NCOR2: variants seen among roughly 807,000 people sequenced by gnomAD.
NCOR2 encodes nuclear receptor corepressor 2, also known as CTG repeat protein 26.
A neutral mutation model predicts 262.9 loss-of-function variants in NCOR2; 81 were observed. That is an observed-to-expected ratio of 0.31 (90% CI 0.26 to 0.37). NCOR2 has a LOEUF of 0.37. Among genes scored for constraint, NCOR2 ranks in the 10% least tolerant of loss-of-function variants. The pLI is 1.00. For missense variants in NCOR2, 3,385 were observed against 3,621.4 expected, an observed-to-expected ratio of 0.93 and a Z score of 1.68; for synonymous variants, 1,659 against 1,559.3, an observed-to-expected ratio of 1.06 and a Z score of -1.51.
rs368744305 is a variant in NCOR2 at position 124,346,007 on chromosome 12, G to T, written c.4359+557C>A. On this transcript the variant is annotated intron_variant, in intron 31 of 46. Coordinates refer to ENST00000405201, the Ensembl canonical transcript of NCOR2. The stretch of plus-strand genomic sequence containing the variant: ...AGCTGGGGCCGCCTGGGGGGACTGG[G>T]GCCTCTTGTGGTGCAACCTGCTGGT... Among the ~76,000 whole-genome samples the T allele has an allele frequency of 2.4e-4, 37 of 151,562 alleles. 1 individual carries two copies. In the South Asian group the frequency reaches 4.8e-3, roughly 20 times the overall value.
At chr12:124,364,943 T>C (rs1364449394) in intron 20 of NCOR2, among the ~76,000 whole-genome samples, 3 of 145,790 alleles carry the variant, frequency 2.1e-5, no homozygotes, top group Admixed American at 2.0e-4. Flanking sequence ...GGAGGCAGCC[T>C]GGACCGTGTT....
chr12:124,345,016 C>T, intron 31 of NCOR2, 65 bp from the exon 34 acceptor site: 1 of 1,366,766 alleles, frequency 7.3e-7, no homozygotes, highest in South Asian at 1.5e-5. Context: ...GCTGCATCCC[C>T]CTTCTGAGCC....
At chr12:124,429,694 C>T (rs778718102) in exon 10 of NCOR2, 81 of 1,603,874 alleles carry the variant, frequency 5.1e-5, no homozygotes, top group Non-Finnish European at 6.8e-6. Context: ...CACTGCCCCG[C>T]TGGCCCACCC....
At chr12:124,557,989 G>A (rs1027063443) in intron 1 of NCOR2, among the ~76,000 whole-genome samples, 1 of 152,098 alleles carries the variant, frequency 6.6e-6, no homozygotes, top group Admixed American at 6.5e-5. Flanking sequence ...GCCAGGGCCT[G>A]GAGCTGCATC....
intron 1 of NCOR2, among the ~76,000 whole-genome samples, chr12:124,528,897 C>T (rs1348636227): frequency 1.3e-5 from 2 of 152,164 alleles, no homozygotes; most frequent in African/African-American, 4.8e-5. Flanking sequence ...AAGAACAACA[C>T]CTCTGGGCGC....
chr12:124,463,208 C>T (rs531474965), intron 5 of NCOR2, among the ~76,000 whole-genome samples: 30 of 152,372 alleles, frequency 2.0e-4, no homozygotes, highest in Admixed American at 3.9e-4. Context: ...TGCCTTGTCC[C>T]GGAACCAACA....
intron 13 of NCOR2, among the ~76,000 whole-genome samples, chr12:124,403,384 C>G (rs2042087733): frequency 6.6e-6 from 1 of 152,152 alleles, no homozygotes; most frequent in Admixed American, 6.5e-5. Context: ...ATCTGCCTCC[C>G]CGACCTGTCC....
intron 5 of NCOR2, among the ~76,000 whole-genome samples, chr12:124,459,963 C>A (rs1468888622): frequency 1.3e-5 from 2 of 152,182 alleles, no homozygotes; most frequent in African/African-American, 4.8e-5. Flanking sequence ...AATGCTGTTC[C>A]CCACATCTTC....
chr12:124,441,320 C>G (rs1467800481), intron 7 of NCOR2, among the ~76,000 whole-genome samples: 1 of 152,166 alleles, frequency 6.6e-6, no homozygotes, highest in Non-Finnish European at 1.5e-5. Context: ...TTCCGGCTGC[C>G]AGAGCTGGAA....
chr12:124,487,410 A>T (rs1465391812), intron 1 of NCOR2, among the ~76,000 whole-genome samples: 2 of 152,222 alleles, frequency 1.3e-5, no homozygotes, highest in Non-Finnish European at 2.9e-5. Flanking sequence ...CTCCTTTAAT[A>T]ACACACCGTC....
upstream of NCOR2, among the ~76,000 whole-genome samples, chr12:124,537,150 C>T (rs2051138584): frequency 6.6e-6 from 1 of 152,224 alleles, no homozygotes; most frequent in Non-Finnish European, 1.5e-5. Context: ...ATGTGATTCC[C>T]ACAAATGTTA....
rs552425396 is a variant in NCOR2 at position 124,520,533 on chromosome 12, GT to G, written c.-118+15031del. On this transcript the variant is annotated intron_variant, in intron 1 of 46. Coordinates refer to the NCOR2 transcript ENST00000404621. ...CAGAGCGACTGTGTGCTATGGGCAG[GT>G]TTGACACTGGGCATGTCTCTTCACG... is the stretch of plus-strand genomic sequence containing the variant. 4.0e-4 allele frequency among the ~76,000 whole-genome samples: 61 copies of G among 152,298 alleles called. 1 individual carries two copies. The highest frequency in any genetic ancestry group is 1.5e-3 in the African/African-American group (61 of 41,562).
intron 1 of NCOR2, among the ~76,000 whole-genome samples, chr12:124,509,245 G>GGGGGGGGGC: frequency 4.8e-5 from 7 of 144,566 alleles, no homozygotes; most frequent in African/African-American, 2.0e-4. Context: ...TGGGGGGGGG[G>GGGGGGGGGC]GGGGCTTAAC....
rs1317621290 is a variant in NCOR2 at position 124,482,518 on chromosome 12, C to T, written c.411+1078G>A. On this transcript the variant is annotated intron_variant, in intron 3 of 46. Coordinates refer to ENST00000405201, the Ensembl canonical transcript of NCOR2. The surrounding 1 kb of genome is among the most constrained non-coding windows in gnomAD (Gnocchi z 6.3). The stretch of plus-strand genomic sequence containing the variant: ...GCTCACGGGTGCCAAATAGTTCCCA[C>T]GCATGGGGCCCACAGCCGAGCCCTC... 2.0e-5 allele frequency among the ~76,000 whole-genome samples: 3 copies of T among 152,186 alleles called. No homozygotes were observed. The highest frequency in any genetic ancestry group is 2.9e-5 in the Non-Finnish European group (2 of 68,030).
intron 20 of NCOR2, among the ~76,000 whole-genome samples, chr12:124,366,426 G>T (rs537393802): frequency 6.6e-6 from 1 of 152,350 alleles, no homozygotes; most frequent in Admixed American, 6.5e-5. Context: ...GGGTGCCAGG[G>T]CTGGGAGGAG....
exon 47 of NCOR2, chr12:124,325,226 G>GTTAA (rs1180893821): frequency 2.3e-6 from 1 of 425,886 alleles, no homozygotes; most frequent in African/African-American, 2.0e-5. Flanking sequence ...GGGAGTCTTA[G>GTTAA]TTAAGGCTTT....
chr12:124,396,692 G>C (rs1180400854), intron 16 of NCOR2, among the ~76,000 whole-genome samples: 1 of 152,074 alleles, frequency 6.6e-6, no homozygotes, highest in Admixed American at 6.5e-5. Context: ...AGGGCAGACT[G>C]CCCCCGGAGG....
At chr12:124,367,604 C>T (rs986983444) in intron 20 of NCOR2, among the ~76,000 whole-genome samples, 4 of 152,094 alleles carry the variant, frequency 2.6e-5, no homozygotes, top group Non-Finnish European at 4.4e-5. Context: ...TCCCCACCCT[C>T]CACTCTCCCT....
Position 124,482,251 on chromosome 12 carries a change from TC to T in NCOR2, c.411+1344del, listed in dbSNP as rs2047533346. ...CCACACAGACACCCCAGCCCCTCCC[TC>T]CCCTGGCCCCAGAGGCAGCCCTGTG... is the stretch of plus-strand genomic sequence containing the variant. On this transcript the variant is annotated intron_variant, in intron 3 of 46. Coordinates refer to ENST00000405201, the Ensembl canonical transcript of NCOR2. The surrounding 1 kb of genome is among the most constrained non-coding windows in gnomAD (Gnocchi z 6.3). Among the ~76,000 whole-genome samples, 1 of 141,700 alleles carries T rather than the reference TC, an allele frequency of 7.1e-6. No homozygotes were observed. Among genetic ancestry groups the T allele is most frequent in the African/African-American group, 2.6e-5 (1 of 39,104 alleles). 93.0% of individuals were successfully genotyped at this position (141,700 alleles called of 152,430 possible). A position where few individuals can be genotyped will look rare whatever the true frequency, so the allele number is the denominator to read the frequency against.
Sources: gnomAD v4.1 joint callset for allele counts (sites outside exome capture counted in the v4.1 genomes callset) on GRCh38, gnomAD v4.1.1 for gene constraint, Gnocchi (gnomAD v3.1) non-coding constraint, MANE v1.5 for transcripts, NCBI Gene and HGNC (gene_info 2026-07-23, HGNC 2026-07-21) for gene names.